Variants in BLTP1 observed in about 807,000 individuals in gnomAD.
BLTP1 encodes the protein fragile site-associated protein.
At chr4:122,304,746 T>C in the BLTP1 span, 15 of 1,597,730 alleles carry the variant, frequency 9.4e-6, no homozygotes, top group East Asian at 2.7e-4. Flanking sequence ...TGAGTAGGTA[T>C]ATGTTGTTGA....
chr4:122,250,681 C>T, the BLTP1 span: 5 of 1,110,492 alleles, frequency 4.5e-6, no homozygotes, highest in South Asian at 7.4e-5. Context: ...CTGTCTTTCC[C>T]TATTTTGGAT....
the BLTP1 span, chr4:122,271,418 G>A: frequency 6.2e-7 from 1 of 1,613,752 alleles, no homozygotes; most frequent in South Asian, 1.1e-5. Flanking sequence ...TCTTAATGGT[G>A]GCAATAGAGT....
the BLTP1 span, chr4:122,299,045 C>T: frequency 1.0e-6 from 1 of 985,166 alleles, no homozygotes; most frequent in South Asian, 4.7e-5. Flanking sequence ...TAAGGTACTG[C>T]TTGCTAGGAT....
the BLTP1 span, chr4:122,328,191 G>A: frequency 6.2e-7 from 1 of 1,611,230 alleles, no homozygotes; most frequent in Non-Finnish European, 8.5e-7. Context: ...ATCATGTTCT[G>A]TGTTCAGTTC....
At chr4:122,224,339 T>C in the BLTP1 span, 2 of 367,688 alleles carry the variant, frequency 5.4e-6, no homozygotes, top group Non-Finnish European at 7.5e-6. Context: ...TCAGAATACC[T>C]CTGCGGGTAC....
At chr4:122,184,896 A>G in the BLTP1 span, 1 of 984,592 alleles carries the variant, frequency 1.0e-6, no homozygotes, top group Non-Finnish European at 1.2e-6. Flanking sequence ...CCAGACATGA[A>G]ATCTGCCCCT....
chr4:122,221,927 C>A, the BLTP1 span: 1 of 981,890 alleles, frequency 1.0e-6, no homozygotes, highest in South Asian at 4.7e-5. Context: ...CTTTTCCAGA[C>A]ATAGAAAACA....
the BLTP1 span, chr4:122,249,095 A>G: frequency 1.1e-6 from 1 of 889,338 alleles, no homozygotes; most frequent in Non-Finnish European, 1.3e-6. Context: ...AGTAAAAGCT[A>G]TAATTTGCCT....
At chr4:122,238,205 T>G in the BLTP1 span, 1 of 1,614,078 alleles carries the variant, frequency 6.2e-7, no homozygotes, top group Non-Finnish European at 8.5e-7. Context: ...TCATAGTTCA[T>G]CCTCTTCCTC....
the BLTP1 span, chr4:122,240,126 G>A: frequency 6.2e-7 from 1 of 1,614,122 alleles, no homozygotes; most frequent in Non-Finnish European, 8.5e-7. Flanking sequence ...TCTATATATT[G>A]TAGAAGGTGA....
chr4:122,306,526 A>G, the BLTP1 span: 7 of 979,944 alleles, frequency 7.1e-6, no homozygotes, highest in South Asian at 1.4e-4. Context: ...ACCTTTGCCT[A>G]TGCTTCTTAG....
chr4:122,301,414 G>C, the BLTP1 span: 1 of 1,458,670 alleles, frequency 6.9e-7, no homozygotes, highest in Non-Finnish European at 9.2e-7. Context: ...TAAATATAAT[G>C]ATACTTTTAT....
the BLTP1 span, chr4:122,255,358 G>A: frequency 9.7e-7 from 1 of 1,025,792 alleles, no homozygotes; most frequent in East Asian, 2.4e-5. Flanking sequence ...CAGGGTTTGA[G>A]ATGCATGTGA....
At chr4:122,194,008 G>A in the BLTP1 span, among the ~76,000 whole-genome samples, 23 of 151,152 alleles carry the variant, frequency 1.5e-4, no homozygotes, top group Non-Finnish European at 2.1e-4. Flanking sequence ...GACTACAGGC[G>A]CCCGCCACTA....
chr4:122,230,849 A>G, the BLTP1 span, among the ~76,000 whole-genome samples: 3 of 152,034 alleles, frequency 2.0e-5, no homozygotes, highest in Non-Finnish European at 1.5e-5. Context: ...AATGATCATA[A>G]CCCCACCATA....
the BLTP1 span, chr4:122,214,401 AT>A: frequency 1.0e-6 from 1 of 968,988 alleles, no homozygotes; most frequent in South Asian, 4.8e-5. Context: ...AAGCCAGTGA[AT>A]TTTTTCTGGG....
the BLTP1 span, among the ~76,000 whole-genome samples, chr4:122,361,282 G>A: frequency 6.6e-6 from 1 of 152,130 alleles, no homozygotes; most frequent in South Asian, 2.1e-4. Context: ...TACAAAGTTC[G>A]GGTTTGGTCC....
the BLTP1 span, chr4:122,169,910 C>T: frequency 3.0e-6 from 3 of 984,490 alleles, no homozygotes; most frequent in African/African-American, 5.2e-5. Flanking sequence ...AGGGATTTAT[C>T]TAGCTTAATA....
At chr4:122,204,430 A>C in the BLTP1 span, 1 of 808,564 alleles carries the variant, frequency 1.2e-6, no homozygotes, top group African/African-American at 1.9e-5. Context: ...AAAATAGGGT[A>C]GCTGTTATTA....
Sources: allele counts gnomAD v4.1 joint callset (sites outside exome capture counted in the v4.1 genomes callset), GRCh38; gene constraint gnomAD v4.1.1; transcripts MANE v1.5; gene names NCBI Gene and HGNC (gene_info 2026-07-23, HGNC 2026-07-21).